Variants in SLCO3A1 observed in about 807,000 individuals in gnomAD.
The protein encoded by SLCO3A1 is solute carrier organic anion transporter family member 3A1.
Under a neutral mutation model 63.1 loss-of-function variants are expected in SLCO3A1, and 27 were observed. The observed-to-expected ratio is 0.43, with a 90% CI of 0.32 to 0.59. SLCO3A1 has a LOEUF of 0.59. Among genes scored for constraint, SLCO3A1 ranks in the 20% least tolerant of loss-of-function variants. The pLI, the probability that SLCO3A1 is intolerant of heterozygous loss-of-function variation, is 0.09. For missense variants in SLCO3A1, 773 were observed against 945.8 expected (o/e 0.82, Z 2.40); for synonymous variants, 473 against 409.9 (o/e 1.15, Z -1.86).
chr15:92,097,441 A>G (rs1348664719), intron 3 of SLCO3A1, among the ~76,000 whole-genome samples: 4 of 152,266 alleles, frequency 2.6e-5, no homozygotes, highest in African/African-American at 9.6e-5. Flanking sequence ...AGTTCCCTCC[A>G]TTTGCTGAGA....
rs968206085 is a variant in SLCO3A1, at chr15:91,883,082, T to C, written c.180+28994T>C. ...ATGGTGAGGACTTGGGAAGGAGCCA[T>C]GTGCTCCAGCCATTCAGATTCCAGT... On this transcript the variant is annotated intron_variant, in intron 1 of 9. Coordinates refer to ENST00000318445, the MANE Select transcript of SLCO3A1 (RefSeq NM_013272.4). The surrounding 1 kb of genome is among the most constrained non-coding windows in gnomAD (Gnocchi z 4.8). 2.0e-5 allele frequency among the ~76,000 whole-genome samples: 3 copies of C among 152,216 alleles called. No homozygotes were observed. Among genetic ancestry groups the C allele is most frequent in the Non-Finnish European group, 4.4e-5 (3 of 68,038 alleles).
At chr15:92,012,039 G>A (rs1297236369) in intron 2 of SLCO3A1, among the ~76,000 whole-genome samples, 1 of 152,256 alleles carries the variant, frequency 6.6e-6, no homozygotes, top group Admixed American at 6.5e-5. Flanking sequence ...AGAGGAGAAG[G>A]AGGGTGGTGC....
In SLCO3A1 at chr15:92,129,865, A is replaced by G. The variant is rs138609705; in HGVS notation, c.1512+1376A>G. ...ATTAACATTTTCTTTAGAGAAAATA[A>G]ATCACCATGGGGGGTGGGTGGGAGA... On this transcript the variant is annotated intron_variant, in intron 7 of 9. Coordinates refer to ENST00000318445, the MANE Select transcript of SLCO3A1 (RefSeq NM_013272.4). Among the ~76,000 whole-genome samples the G allele has an allele frequency of 6.2e-3, 942 of 152,124 alleles. 36 individuals are homozygous for G. Among genetic ancestry groups the G allele is most frequent in the Admixed American group, 0.048 (731 of 15,242 alleles).
At chr15:92,069,089 T>TCC (rs760619386) in intron 2 of SLCO3A1, among the ~76,000 whole-genome samples, 499 of 59,184 alleles carry the variant, frequency 8.4e-3, no homozygotes, top group African/African-American at 0.012. Flanking sequence ...ATTCAAGGGC[T>TCC]CCCCCCGCCC....
chr15:92,034,575 C>G (rs1038186315), intron 2 of SLCO3A1, among the ~76,000 whole-genome samples: 2 of 151,684 alleles, frequency 1.3e-5, no homozygotes, highest in Non-Finnish European at 2.9e-5. Flanking sequence ...AGACCTGGCC[C>G]AGAGACCAGG....
rs1424294421 is a variant in SLCO3A1 at position 92,033,351 on chromosome 15, C to T, written c.647-61530C>T. Among the ~76,000 whole-genome samples the T allele has an allele frequency of 6.6e-6, 1 of 152,216 alleles. No individual in the cohort carries two copies. The highest frequency in any genetic ancestry group is 1.5e-5 in the Non-Finnish European group (1 of 68,030). On this transcript the variant is annotated intron_variant, in intron 2 of 9. Transcript: ENST00000318445. This position sits in a 1 kb window ranked among gnomAD's most constrained non-coding sequence, Gnocchi z 4.5. ...GAGAGACTTCTGCAACCCTCCTCTC[C>T]TCCAAGAGCAGGGTAACTTCCTCCT...
intron 3 of SLCO3A1, 145 bp downstream of exon 3, chr15:92,095,124 T>G: frequency 1.7e-6 from 1 of 602,994 alleles, no homozygotes; most frequent in Non-Finnish European, 3.0e-6. Context: ...CACCCGAGAT[T>G]AGATGAAAGA....
chr15:91,978,302 T>G (rs988098053), intron 2 of SLCO3A1, among the ~76,000 whole-genome samples: 1 of 152,232 alleles, frequency 6.6e-6, no homozygotes, highest in East Asian at 1.9e-4. Context: ...TTTCCAGTCC[T>G]TTAATTCTTT....
At chr15:91,962,479 C>CAAAAAAAAAA in intron 2 of SLCO3A1, among the ~76,000 whole-genome samples, 1 of 81,736 alleles carries the variant, frequency 1.2e-5, no homozygotes, top group Non-Finnish European at 2.3e-5. Flanking sequence ...AACTCCGTCT[C>CAAAAAAAAAA]AAAAAAAAAA....
chr15:91,971,567 C>A (rs577317954), intron 2 of SLCO3A1, among the ~76,000 whole-genome samples: 1 of 151,874 alleles, frequency 6.6e-6, no homozygotes, highest in Non-Finnish European at 1.5e-5. Context: ...GTCTAGTGTT[C>A]CTAAGCACAG....
intron 2 of SLCO3A1, among the ~76,000 whole-genome samples, chr15:91,932,474 C>A (rs1045836430): frequency 3.3e-5 from 5 of 151,434 alleles, no homozygotes; most frequent in African/African-American, 1.2e-4. Flanking sequence ...GAGACAGGGT[C>A]TTGCTCTATT....
chr15:92,067,237 T>G (rs7173864), intron 2 of SLCO3A1, among the ~76,000 whole-genome samples: 1 of 152,062 alleles, frequency 6.6e-6, no homozygotes, highest in East Asian at 1.9e-4. Flanking sequence ...AGGAGGATGT[T>G]TGCTCCAGCT....
intron 2 of SLCO3A1, among the ~76,000 whole-genome samples, chr15:91,982,150 T>A (rs1217170260): frequency 1.3e-5 from 2 of 152,266 alleles, no homozygotes; most frequent in African/African-American, 4.8e-5. Context: ...CTCTTGCTAA[T>A]ATTTGATGAT....
intron 8 of SLCO3A1, among the ~76,000 whole-genome samples, chr15:92,147,916 C>G (rs2048250546): frequency 1.3e-5 from 2 of 152,204 alleles, no homozygotes; most frequent in Admixed American, 1.3e-4. Flanking sequence ...GGGGAAGGTA[C>G]TCTACACAAA....
At chr15:91,973,040 G>A (rs563833217) in intron 2 of SLCO3A1, among the ~76,000 whole-genome samples, 24 of 152,162 alleles carry the variant, frequency 1.6e-4, no homozygotes, top group Admixed American at 2.6e-4. Flanking sequence ...GCTTGAACCC[G>A]GGAGGCAGAG....
At chr15:92,053,765 A>T (rs1567092547) in intron 2 of SLCO3A1, among the ~76,000 whole-genome samples, 2 of 151,268 alleles carry the variant, frequency 1.3e-5, no homozygotes, top group Non-Finnish European at 2.9e-5. Flanking sequence ...ACACAGAGGT[A>T]AATTGTCATT....
At position 91,872,973 on chromosome 15, in the gene SLCO3A1, G is replaced by A. The variant is rs140263868; in HGVS notation, c.180+18885G>A. 1.9e-3 allele frequency among the ~76,000 whole-genome samples: 293 copies of A among 152,278 alleles called. 1 individual carries two copies. The highest frequency in any genetic ancestry group is 3.1e-3 in the Non-Finnish European group (208 of 68,018). ...GCTCCTGGCATGCAGCTACCTGCGT[G>A]CTCAGCACTCACCTGCGTTCCTGAT... is the stretch of plus-strand genomic sequence containing the variant. On this transcript the variant is annotated intron_variant, in intron 1 of 9. Transcript: ENST00000318445. The surrounding 1 kb of genome is among the most constrained non-coding windows in gnomAD (Gnocchi z 4.1).
Position 92,164,364 on chromosome 15 carries a change from G to T in SLCO3A1, c.*1229G>T. 1.0e-6 allele frequency: 1 copy of T among 985,332 alleles called. No individual in the cohort carries two copies. The highest frequency in any genetic ancestry group is 1.2e-6 in the Non-Finnish European group (1 of 829,882). The allele number at this position is 985,332 out of a possible 1,614,324, so 61.0% of individuals were successfully genotyped here. A position where few individuals can be genotyped will look rare whatever the true frequency, so the allele number is the denominator to read the frequency against. ...GTGTATATGCAGCCTGCCTTTAAAA[G>T]AATCACATTTGAGACAACAGGGGAT... On this transcript the variant is annotated 3_prime_UTR_variant, in exon 10 of 10. Coordinates refer to ENST00000318445, the MANE Select transcript of SLCO3A1 (RefSeq NM_013272.4).
At chr15:91,960,312 C>T (rs914061678) in intron 2 of SLCO3A1, among the ~76,000 whole-genome samples, 2 of 152,274 alleles carry the variant, frequency 1.3e-5, no homozygotes, top group African/African-American at 4.8e-5. Flanking sequence ...TGCCTTCTTT[C>T]ACCACCATGA....
Sources: gnomAD v4.1 joint callset for allele counts (sites outside exome capture counted in the v4.1 genomes callset) on GRCh38, gnomAD v4.1.1 for gene constraint, Gnocchi (gnomAD v3.1) non-coding constraint, MANE v1.5 for transcripts, NCBI Gene and HGNC (gene_info 2026-07-23, HGNC 2026-07-21) for gene names.